Variants in POLN observed in about 807,000 individuals in gnomAD.
POLN encodes DNA polymerase nu.
A neutral mutation model predicts 113.5 loss-of-function variants in POLN; 108 were observed. That is an observed-to-expected ratio of 0.95 (90% CI 0.81 to 1.12). POLN has a LOEUF of 1.12. Ranked by LOEUF, POLN falls within the 50% of genes most tolerant of loss-of-function variation. The pLI, the probability that POLN is intolerant of heterozygous loss-of-function variation, is 0.00. For synonymous variants in POLN, 386 were observed against 391.5 expected (o/e 0.99, Z 0.17); for missense variants, 1,097 against 1,077.1 (o/e 1.02, Z -0.26).
chr4:2,133,835 TC>T (rs1191358063), intron 16 of POLN, among the ~76,000 whole-genome samples: 3 of 152,152 alleles, frequency 2.0e-5, no homozygotes, highest in Non-Finnish European at 4.4e-5. Flanking sequence ...CATCCTGAGA[TC>T]CCCCGACTTC....
In POLN at chr4:2,126,170, G is replaced by C. The variant is rs1731574702; in HGVS notation, c.1982+1943C>G. Among the ~76,000 whole-genome samples, 1 of 152,236 alleles carries C rather than the reference G, an allele frequency of 6.6e-6. No homozygotes were observed. Among genetic ancestry groups the C allele is most frequent in the African/African-American group, 2.4e-5 (1 of 41,454 alleles). ...TCGACCCGGTACAGTGCCTCTTCCT[G>C]TGCTGGGCAAACACTTCATTATTCT... On this transcript the variant is annotated intron_variant, in intron 19 of 25. Transcript: ENST00000511885. This position sits in a 1 kb window ranked among gnomAD's most constrained non-coding sequence, Gnocchi z 4.6.
chr4:2,223,973 A>G (rs1325288992), intron 3 of POLN, among the ~76,000 whole-genome samples: 1 of 152,194 alleles, frequency 6.6e-6, no homozygotes, highest in African/African-American at 2.4e-5. Flanking sequence ...TTCTTTCTTC[A>G]ATAATAAATT....
intron 2 of POLN, chr4:2,231,774 C>T (rs1577792351): frequency 3.7e-6 from 2 of 536,734 alleles, no homozygotes; most frequent in Middle Eastern, 4.9e-4. Flanking sequence ...GAATGTACTA[C>T]ATGAGAAAAA....
chr4:2,232,702 CAT>C lies in POLN; in HGVS notation c.-12-3461_-12-3460del, dbSNP rs532091339. Among the ~76,000 whole-genome samples, 608 of 152,260 alleles carry C rather than the reference CAT, an allele frequency of 4.0e-3. 5 individuals are homozygous for C. Among genetic ancestry groups the C allele is most frequent in the African/African-American group, 0.014 (571 of 41,556 alleles). On this transcript the variant is annotated intron_variant, in intron 2 of 25. Coordinates refer to ENST00000511885, the MANE Select transcript of POLN (RefSeq NM_181808.4). ...GACATTCCACGAAAACCATCCTAATCATATAATTTTCCTGCTCAAGAATCTAG... is the reference window on the plus strand; with the variant it reads ...GACATTCCACGAAAACCATCCTAATCATAATTTTCCTGCTCAAGAATCTAG...
intron 23 of POLN, among the ~76,000 whole-genome samples, chr4:2,078,049 G>C (rs1730317514): frequency 6.6e-6 from 1 of 152,200 alleles, no homozygotes; most frequent in African/African-American, 2.4e-5. Context: ...TCACCGTGTT[G>C]CCTGTCTGGG....
At chr4:2,125,503 G>A (rs146303698) in intron 19 of POLN, among the ~76,000 whole-genome samples, 4 of 152,276 alleles carry the variant, frequency 2.6e-5, no homozygotes, top group Middle Eastern at 3.4e-3. Flanking sequence ...GAATATTAAG[G>A]GCTTCTCTCA....
At chr4:2,173,614 T>C (rs1732919884) in intron 11 of POLN, among the ~76,000 whole-genome samples, 2 of 152,262 alleles carry the variant, frequency 1.3e-5, no homozygotes. Flanking sequence ...TTAAGTATTT[T>C]TTCATGCATC....
intron 3 of POLN, among the ~76,000 whole-genome samples, chr4:2,217,146 G>C (rs1734132704): frequency 2.0e-5 from 3 of 152,180 alleles, no homozygotes; most frequent in Non-Finnish European, 4.4e-5. Context: ...CCAGGTACCT[G>C]AGCAACCTGT....
chr4:2,219,762 T>TTTTACCATCTGCCCTGGCA (rs1734209830), intron 3 of POLN, among the ~76,000 whole-genome samples: 1 of 152,184 alleles, frequency 6.6e-6, no homozygotes, highest in Non-Finnish European at 1.5e-5. Context: ...TCATGCCTTC[T>TTTTACCATCTGCCCTGGCA]TTTACCATCT....
chr4:2,093,562 C>T lies in POLN; in HGVS notation c.2065+2289G>A, dbSNP rs958459847. 3.3e-5 allele frequency among the ~76,000 whole-genome samples: 5 copies of T among 152,324 alleles called. No individual in the cohort carries two copies. The highest frequency in any genetic ancestry group is 2.1e-4 in the South Asian group (1 of 4,828). ...GGGCCCAGGACTGGGGAGGTGATGT[C>T]CTGCCGGCAGAGCAGAAGCAAATGT... On this transcript the variant is annotated intron_variant, in intron 20 of 25. Coordinates refer to ENST00000511885, the MANE Select transcript of POLN (RefSeq NM_181808.4). This position sits in a 1 kb window ranked among gnomAD's most constrained non-coding sequence, Gnocchi z 4.1.
At chr4:2,112,201 A>G (rs1222387100) in intron 19 of POLN, among the ~76,000 whole-genome samples, 6 of 150,896 alleles carry the variant, frequency 4.0e-5, no homozygotes, top group African/African-American at 7.3e-5. Flanking sequence ...AGCTGAAACT[A>G]GATCCCTTCC....
At chr4:2,193,366 C>T (rs200781401) in intron 6 of POLN, 50 bp from the exon 7 acceptor site, 7 of 1,295,252 alleles carry the variant, frequency 5.4e-6, no homozygotes, top group African/African-American at 3.2e-5. Flanking sequence ...TTGGGATTTT[C>T]GACCTTGGAA....
At chr4:2,154,108 G>C (rs1732362081) in intron 16 of POLN, among the ~76,000 whole-genome samples, 1 of 140,936 alleles carries the variant, frequency 7.1e-6, no homozygotes, top group South Asian at 2.3e-4. Flanking sequence ...TGAGGCAGGA[G>C]AATGGCATGA....
In POLN at chr4:2,229,163, C is replaced by A. The variant is rs1052945394; in HGVS notation, c.69G>T (p.Lys23Asn). Reference sequence around the variant, plus strand: ...CACCTGAATGCATAGCAGACATAATCTTCTGAGCAACACTGGAGAGCGGTG... The same window carrying A: ...CACCTGAATGCATAGCAGACATAATATTCTGAGCAACACTGGAGAGCGGTG... ...CNTPLSSVAQKIMSAMHSGDL... is the reference protein window; with the variant it reads ...CNTPLSSVAQNIMSAMHSGDL... The change falls in exon 3 of 26, where the codon AAG becomes AAT. Residue 23 changes from lysine (K) to asparagine (N), a missense_variant. Physicochemically the swap from Lys to Asn is moderately conservative, Grantham distance 94. Transcript: ENST00000511885. 1 of 1,611,116 alleles carries A rather than the reference C, an allele frequency of 6.2e-7. No homozygotes were observed. The highest frequency in any genetic ancestry group is 1.1e-5 in the South Asian group (1 of 91,036).
At chr4:2,224,528 A>G (rs1734337727) in intron 3 of POLN, among the ~76,000 whole-genome samples, 2 of 152,232 alleles carry the variant, frequency 1.3e-5, no homozygotes, top group Non-Finnish European at 2.9e-5. Flanking sequence ...AGTATAGTAC[A>G]GTGTAGTAGG....
At chr4:2,221,059 G>T (rs927772504) in intron 3 of POLN, among the ~76,000 whole-genome samples, 11 of 152,070 alleles carry the variant, frequency 7.2e-5, no homozygotes, top group South Asian at 2.1e-4. Flanking sequence ...CAGCAAAGGT[G>T]GGGGGAAGCG....
chr4:2,148,996 C>T (rs1302158240), intron 16 of POLN, among the ~76,000 whole-genome samples: 1 of 152,054 alleles, frequency 6.6e-6, no homozygotes, highest in Non-Finnish European at 1.5e-5. Context: ...GGGCTGGGCA[C>T]AGTGACCTGT....
chr4:2,100,801 T>C (rs1730903987), intron 19 of POLN, among the ~76,000 whole-genome samples: 1 of 152,258 alleles, frequency 6.6e-6, no homozygotes, highest in African/African-American at 2.4e-5. Flanking sequence ...TTTTAAAACA[T>C]GATTTGGCAT....
Position 2,073,097 on chromosome 4 carries a change from G to C in POLN, c.2456-68C>G. 8 of 1,536,044 alleles carry C rather than the reference G, an allele frequency of 5.2e-6. No individual in the cohort carries two copies. In the South Asian group the frequency reaches 9.0e-5, roughly 17 times the overall value. ...CTTGGGGCCTGGGAGCCGAAGATAA[G>C]AGAACTTTCAGGCCCGAGTCCTGCC... On this transcript the variant is annotated intron_variant, in intron 24 of 25. Coordinates refer to ENST00000511885, the MANE Select transcript of POLN (RefSeq NM_181808.4).
Sources: allele counts gnomAD v4.1 joint callset (sites outside exome capture counted in the v4.1 genomes callset), GRCh38; gene constraint gnomAD v4.1.1; non-coding constraint Gnocchi (gnomAD v3.1); transcripts MANE v1.5; gene names NCBI Gene and HGNC (gene_info 2026-07-23, HGNC 2026-07-21).